TRAPPC12: variants seen among roughly 807,000 people sequenced by gnomAD.
The protein encoded by TRAPPC12 is TPR repeat protein 15.
A neutral mutation model predicts 69.2 loss-of-function variants in TRAPPC12; 61 were observed. That is an observed-to-expected ratio of 0.88 (90% CI 0.72 to 1.09). The LOEUF is 1.09. TRAPPC12 is among the 50% of genes least tolerant of loss of function. The pLI is 0.00. For missense variants in TRAPPC12, 1,101 were observed against 1,016.4 expected (o/e 1.08, Z -1.13); for synonymous variants, 469 against 438.9 (o/e 1.07, Z -0.86).
chr2:3,472,123 T>C (rs543239625), intron 9 of TRAPPC12, among the ~76,000 whole-genome samples: 78 of 152,112 alleles, frequency 5.1e-4, no homozygotes, highest in Non-Finnish European at 9.6e-4. Flanking sequence ...CTCACCGCTA[T>C]GGCTGAGAGG....
At chr2:3,467,292 A>G (rs956878024) in intron 9 of TRAPPC12, 1 of 152,102 alleles carries the variant, frequency 6.6e-6, no homozygotes, top group Admixed American at 6.5e-5. Flanking sequence ...AGACGGAAGC[A>G]CCCAGGCCGA....
intron 2 of TRAPPC12, among the ~76,000 whole-genome samples, chr2:3,392,502 C>T (rs1473536693): frequency 6.6e-6 from 1 of 152,230 alleles, no homozygotes; most frequent in Non-Finnish European, 1.5e-5. Flanking sequence ...GTCCTCTTTG[C>T]CTTAGTTCTG....
chr2:3,402,628 G>T (rs1440130091), intron 3 of TRAPPC12, among the ~76,000 whole-genome samples: 1 of 152,148 alleles, frequency 6.6e-6, no homozygotes, highest in Non-Finnish European at 1.5e-5. Context: ...ATTAGTACTG[G>T]ATCACCATTG....
intron 3 of TRAPPC12, among the ~76,000 whole-genome samples, chr2:3,407,215 G>A (rs1417533298): frequency 2.0e-5 from 3 of 152,164 alleles, no homozygotes; most frequent in Non-Finnish European, 2.9e-5. Flanking sequence ...TTGAGTCTTA[G>A]ATGGAGAAAA....
rs139896748 is a variant in TRAPPC12, at chr2:3,412,724, C to T, written c.1165-9157C>T. On this transcript the variant is annotated intron_variant, in intron 3 of 11. Transcript: ENST00000324266. ...TAGAACGGATTCATGTCATCTCCAA[C>T]TCCAGGGTGGCCAGCTGAAGACTGG... is the stretch of plus-strand genomic sequence containing the variant. 5.0e-3 allele frequency among the ~76,000 whole-genome samples: 757 copies of T among 152,282 alleles called. 3 individuals are homozygous for T. Among genetic ancestry groups the T allele is most frequent in the African/African-American group, 0.018 (728 of 41,572 alleles).
chr2:3,456,056 T>A (rs899557177), intron 6 of TRAPPC12: 4 of 152,208 alleles, frequency 2.6e-5, no homozygotes, highest in Non-Finnish European at 5.9e-5. Flanking sequence ...TGATCATTCA[T>A]TAGAAGGCAG....
chr2:3,478,097 C>T (rs993269902), intron 10 of TRAPPC12: 3 of 211,858 alleles, frequency 1.4e-5, no homozygotes, highest in South Asian at 1.5e-4. Flanking sequence ...GCGTAGCGGC[C>T]GTTCTGGATC....
At chr2:3,381,241 G>A (rs969710821) in intron 1 of TRAPPC12, among the ~76,000 whole-genome samples, 1 of 152,142 alleles carries the variant, frequency 6.6e-6, no homozygotes, top group Non-Finnish European at 1.5e-5. Flanking sequence ...GTTAATACGT[G>A]CCACCTAGAT....
At chr2:3,462,212 A>G (rs1050451049) in intron 8 of TRAPPC12, among the ~76,000 whole-genome samples, 1 of 152,226 alleles carries the variant, frequency 6.6e-6, no homozygotes. Context: ...TCTTTGTGGC[A>G]CTGTGGTAGT....
chr2:3,465,562 C>T, intron 8 of TRAPPC12, 35 bp from the exon 9 acceptor site: 1 of 1,462,044 alleles, frequency 6.8e-7, no homozygotes, highest in Non-Finnish European at 9.6e-7. Flanking sequence ...GTGCTGTTCT[C>T]AGCTCTAAAG....
chr2:3,388,647 G>GGCCTCAGGTTCGACAACATCCAGGTGA lies in TRAPPC12; in HGVS notation c.1028_1047+7dup, dbSNP rs1660645937. ...GGACAAGGAGAACCTCACCATGCCG[G>GGCCTCAGGTTCGACAACATCCAGGTGA]GCCTCAGGTTCGACAACATCCAGGT... On this transcript the variant is annotated inframe_insertion, in exon 2 of 12. Transcript: ENST00000324266. The GGCCTCAGGTTCGACAACATCCAGGTGA allele has an allele frequency of 6.4e-7, 1 of 1,573,750 alleles. No individual in the cohort carries two copies. The highest frequency in any genetic ancestry group is 8.6e-7 in the Non-Finnish European group (1 of 1,157,780).
rs899148704 is a variant in TRAPPC12 at position 3,469,485 on chromosome 2, C to T, written c.1776+3790C>T. 9.2e-5 allele frequency among the ~76,000 whole-genome samples: 14 copies of T among 152,310 alleles called. No homozygotes were observed. The East Asian group carries it at 2.1e-3, about 23-fold the overall frequency. ...GCTATAAGCAGAAAAAGTTTATTCA[C>T]GGACAGTAGTACAGGGAATCTTCAT... On this transcript the variant is annotated intron_variant, in intron 9 of 11. Coordinates refer to ENST00000324266, the MANE Select transcript of TRAPPC12 (RefSeq NM_016030.6).
intron 9 of TRAPPC12, chr2:3,472,287 C>G (rs1199797044): frequency 6.6e-6 from 1 of 152,318 alleles, no homozygotes; most frequent in Admixed American, 6.5e-5. Context: ...CAGAGGGGCA[C>G]GACCCCAGGC....
At position 3,388,119 on chromosome 2, in the gene TRAPPC12, CGCGCG is replaced by C. The variant is rs1393163595; in HGVS notation, c.497_501del (p.Arg166ProfsTer124). 4 of 1,576,162 alleles carry C rather than the reference CGCGCG, an allele frequency of 2.5e-6. No homozygotes were observed. Among genetic ancestry groups the C allele is most frequent in the Non-Finnish European group, 3.4e-6 (4 of 1,164,962 alleles). ...CCCGGTGTGCACCATCTTCAGCCAG[CGCGCG>C]CCCCCAGCCTCCGGGGACGGCTTCG... is the stretch of plus-strand genomic sequence containing the variant. On this transcript the variant is annotated frameshift_variant, in exon 2 of 12. Coordinates refer to ENST00000324266, the MANE Select transcript of TRAPPC12 (RefSeq NM_016030.6). LOFTEE classifies it high-confidence loss of function.
intron 9 of TRAPPC12, among the ~76,000 whole-genome samples, chr2:3,470,368 C>G (rs1666008554): frequency 6.6e-6 from 1 of 152,290 alleles, no homozygotes; most frequent in Non-Finnish European, 1.5e-5. Context: ...TCCCAGGGCG[C>G]TGCTGTGCGT....
rs1056394174 is a variant in TRAPPC12 at position 3,478,684 on chromosome 2, A to G, written c.1878-162A>G. 2.5e-5 allele frequency: 15 copies of G among 607,096 alleles called. No individual in the cohort carries two copies. In the African/African-American group the frequency reaches 2.8e-4, roughly 11 times the overall value. 37.6% of individuals were successfully genotyped at this position (607,096 alleles called of 1,614,324 possible). A position where few individuals can be genotyped will look rare whatever the true frequency, so the allele number is the denominator to read the frequency against. Reference sequence around the variant, plus strand: ...GAGTGGCTTTAATGTGCGAGCCTGAATGCAAAACGCAGCTCACCGCCTCTA... The same window carrying G: ...GAGTGGCTTTAATGTGCGAGCCTGAGTGCAAAACGCAGCTCACCGCCTCTA... On this transcript the variant is annotated intron_variant, in intron 10 of 11. Transcript: ENST00000324266.
chr2:3,380,016 G>A (rs1660130724), intron 1 of TRAPPC12, 140 bp downstream of exon 1: 1 of 152,300 alleles, frequency 6.6e-6, no homozygotes, highest in Non-Finnish European at 1.5e-5. Context: ...GTCCGGGCGC[G>A]GGGTCGCCTG....
intron 1 of TRAPPC12, among the ~76,000 whole-genome samples, chr2:3,383,875 T>G (rs1310151017): frequency 4.5e-3 from 66 of 14,772 alleles, no homozygotes; most frequent in South Asian, 6.4e-3. Context: ...AGTCTTGTTT[T>G]TTTTTTTTTT....
intron 9 of TRAPPC12, among the ~76,000 whole-genome samples, chr2:3,472,005 G>A (rs1572210269): frequency 6.6e-6 from 1 of 152,232 alleles, no homozygotes; most frequent in Non-Finnish European, 1.5e-5. Flanking sequence ...AAAGGTCAGA[G>A]CCCAAGGTGA....
Sources: allele counts gnomAD v4.1 joint callset (sites outside exome capture counted in the v4.1 genomes callset), GRCh38; gene constraint gnomAD v4.1.1; transcripts MANE v1.5; gene names NCBI Gene and HGNC (gene_info 2026-07-23, HGNC 2026-07-21).